DDX46: variants seen among roughly 807,000 people sequenced by gnomAD.
DDX46 encodes probable ATP-dependent RNA helicase DDX46.
Under a neutral mutation model 134.9 loss-of-function variants are expected in DDX46, and 30 were observed. The ratio of observed to expected loss-of-function variants is 0.22; its 90% CI spans 0.17 to 0.30. DDX46 has a LOEUF of 0.30. Among genes scored for constraint, DDX46 ranks in the 10% least tolerant of loss-of-function variants. The pLI is 1.00. For missense variants in DDX46, 622 were observed against 1,248.7 expected (o/e 0.50, Z 7.56); for synonymous variants, 415 against 404.1 (o/e 1.03, Z -0.32).
chr5:134,799,689 G>C (rs745731967), intron 15 of DDX46, among the ~76,000 whole-genome samples: 1 of 149,564 alleles, frequency 6.7e-6, no homozygotes, highest in Non-Finnish European at 1.5e-5. Context: ...CATAAGCAGA[G>C]ATTGCACCAT....
At position 134,806,067 on chromosome 5, in the gene DDX46, G is replaced by A. The variant is rs373135488; in HGVS notation, c.1955-1681G>A. 1.7e-4 allele frequency among the ~76,000 whole-genome samples: 26 copies of A among 152,174 alleles called. No individual in the cohort carries two copies. In the South Asian group the frequency reaches 2.9e-3, roughly 17 times the overall value. On this transcript the variant is annotated intron_variant, in intron 15 of 22. Transcript: ENST00000452510. ...GTCTCTACTAAAGATACAAAAATTA[G>A]CCAGGCATGGTGACAGTCACCTGTA...
At position 134,758,851 on chromosome 5, in the gene DDX46, C is replaced by T. The variant is rs997693413; in HGVS notation, c.-88C>T. The T allele has an allele frequency of 8.7e-6, 14 of 1,600,500 alleles. No individual in the cohort carries two copies. The African/African-American group carries it at 9.4e-5, about 11-fold the overall frequency. On this transcript the variant is annotated 5_prime_UTR_variant, in exon 1 of 23. Coordinates refer to ENST00000452510, the MANE Select transcript of DDX46 (RefSeq NM_001300860.2). ...GCTAGTGTTTAGCGCTGGTCTTTGC[C>T]GGGCGTTGAGGGCAGCTCAGCCTCC...
At chr5:134,813,178 C>T (rs1006604370) in intron 18 of DDX46, among the ~76,000 whole-genome samples, 1 of 151,940 alleles carries the variant, frequency 6.6e-6, no homozygotes, top group Non-Finnish European at 1.5e-5. Flanking sequence ...CTCTTGACTT[C>T]GTGATCCGCC....
At chr5:134,811,528 A>T in intron 17 of DDX46, 168 bp from the exon 18 acceptor site, 1 of 1,174,972 alleles carries the variant, frequency 8.5e-7, no homozygotes, top group Non-Finnish European at 1.2e-6. Context: ...TTATTCTTGA[A>T]CTTAGTATTT....
chr5:134,816,926 G>A (rs758102481), intron 19 of DDX46: 14 of 232,480 alleles, frequency 6.0e-5, no homozygotes, highest in Middle Eastern at 3.1e-3. Flanking sequence ...CTTTTATTGG[G>A]CACACAACTC....
At chr5:134,790,345 T>A in intron 12 of DDX46, 125 bp from the exon 13 acceptor site, 1 of 763,874 alleles carries the variant, frequency 1.3e-6, no homozygotes, top group Non-Finnish European at 2.1e-6. Flanking sequence ...ATACCTAACT[T>A]ACCCCTCTGG....
intron 15 of DDX46, among the ~76,000 whole-genome samples, chr5:134,802,522 A>G (rs1754864565): frequency 1.4e-5 from 2 of 146,980 alleles, no homozygotes; most frequent in Middle Eastern, 3.5e-3. Flanking sequence ...GTCATCGCCT[A>G]TCAAATTCTG....
At chr5:134,817,945 TTTG>T (rs1398789813) in intron 20 of DDX46, among the ~76,000 whole-genome samples, 2 of 150,536 alleles carry the variant, frequency 1.3e-5, no homozygotes, top group East Asian at 1.9e-4. Context: ...TCTTTGCTTG[TTTG>T]TTGTTTTTTT....
At chr5:134,789,246 G>A (rs543106117) in intron 12 of DDX46, 141 of 152,262 alleles carry the variant, frequency 9.3e-4, no homozygotes, top group African/African-American at 3.2e-3. Context: ...CTGGGCTTCC[G>A]AGACTTAAAC....
rs183465109 is a variant in DDX46 at position 134,791,015 on chromosome 5, A to C, written c.1626+463A>C. 8.2e-3 allele frequency among the ~76,000 whole-genome samples: 1,253 copies of C among 152,128 alleles called. 32 individuals carry two copies. Among genetic ancestry groups the C allele is most frequent in the Admixed American group, 0.049 (756 of 15,280 alleles). ...AACTTTTTAATAGAGATGGAGTTTC[A>C]CCACGTTGGCCAGGCTGGTCTCGAA... On this transcript the variant is annotated intron_variant, in intron 13 of 22. Transcript: ENST00000452510.
Position 134,814,310 on chromosome 5 carries a change from G to C in DDX46, c.2437-2120G>C, listed in dbSNP as rs181710625. On this transcript the variant is annotated intron_variant, in intron 18 of 22. Transcript: ENST00000452510. ...TCTTGGAATGTATTCCATGTGTAAA[G>C]GGAAAACTGCAGTATTTTTAACTGT... Among the ~76,000 whole-genome samples, 41 of 152,222 alleles carry C rather than the reference G, an allele frequency of 2.7e-4. No individual in the cohort carries two copies. In the East Asian group the frequency reaches 7.3e-3, roughly 27 times the overall value.
chr5:134,810,931 G>A lies in DDX46; in HGVS notation c.2149-290G>A, dbSNP rs935194250. Among the ~76,000 whole-genome samples, 4 of 152,078 alleles carry A rather than the reference G, an allele frequency of 2.6e-5. No homozygotes were observed. In the South Asian group the frequency reaches 6.2e-4, roughly 24 times the overall value. On this transcript the variant is annotated intron_variant, in intron 16 of 22. Transcript: ENST00000452510. ...TGAGGCAGGAGAATCACTTGAACCC[G>A]GGAGGCAGAGGTTGCAATGAGCCAA...
rs749814695 is a variant in DDX46 at position 134,770,989 on chromosome 5, A to C, written c.437A>C (p.Lys146Thr). ...GATGACAAGGAGGATGAAAAAGAAA[A>C]AGATGCTGGCGTATGTTTATTAACT... is the stretch of plus-strand genomic sequence containing the variant. ...DKDDKEDEKE[K>T]DAGNFDQNKL... The change falls in exon 4 of 23, where the codon AAA becomes ACA. Residue 146 changes from lysine (K) to threonine (T), a missense_variant. Coordinates refer to ENST00000452510, the MANE Select transcript of DDX46 (RefSeq NM_001300860.2). 7.8e-7 allele frequency: 1 copy of C among 1,279,806 alleles called. No individual in the cohort carries two copies. The highest frequency in any genetic ancestry group is 1.1e-6 in the Non-Finnish European group (1 of 893,626). 79.3% of individuals were successfully genotyped at this position (1,279,806 alleles called of 1,614,324 possible). A position where few individuals can be genotyped will look rare whatever the true frequency, so the allele number is the denominator to read the frequency against.
At chr5:134,794,819 A>C in intron 13 of DDX46, 31 bp from the exon 14 acceptor site, 1 of 1,610,862 alleles carries the variant, frequency 6.2e-7, no homozygotes, top group Non-Finnish European at 8.5e-7. Flanking sequence ...CATATTTACC[A>C]TATTTATTTG....
At position 134,797,206 on chromosome 5, in the gene DDX46, A is replaced by G. The variant is rs560535462; in HGVS notation, c.1954+1056A>G. The G allele has an allele frequency of 5.2e-4, 151 of 290,642 alleles. 2 individuals carry two copies. The highest frequency in any genetic ancestry group is 3.4e-3 in the African/African-American group (146 of 43,174). The allele number at this position is 290,642 out of a possible 1,614,324, so 18.0% of individuals were successfully genotyped here. A position where few individuals can be genotyped will look rare whatever the true frequency, so the allele number is the denominator to read the frequency against. ...AAAAAAAAAAAAAAAAACACAAAAC[A>G]CATGGAACAGAGACAGTTTGAATTA... On this transcript the variant is annotated intron_variant, in intron 15 of 22. Transcript: ENST00000452510.
intron 21 of DDX46, among the ~76,000 whole-genome samples, chr5:134,823,106 A>G (rs1325330015): frequency 6.7e-6 from 1 of 148,894 alleles, no homozygotes; most frequent in African/African-American, 2.5e-5. Flanking sequence ...TAGGGCAGGT[A>G]TACTAGCAAC....
intron 6 of DDX46, 58 bp downstream of exon 6, chr5:134,777,783 C>CA: frequency 1.3e-6 from 2 of 1,545,068 alleles, no homozygotes; most frequent in Non-Finnish European, 1.7e-6. Context: ...TTGAGTTCTC[C>CA]ATTGCATTGT....
intron 4 of DDX46, 139 bp downstream of exon 4, chr5:134,771,138 G>A (rs1254301361): frequency 7.6e-6 from 4 of 527,676 alleles, no homozygotes; most frequent in Middle Eastern, 5.3e-4. Context: ...CTTTCTTTCT[G>A]TCTGTCTCTG....
intron 13 of DDX46, among the ~76,000 whole-genome samples, chr5:134,791,387 C>G (rs1354599914): frequency 1.3e-5 from 2 of 152,060 alleles, no homozygotes; most frequent in African/African-American, 2.4e-5. Flanking sequence ...GGTGAAACCT[C>G]ATATCTACTA....
Sources: gnomAD v4.1 joint callset for allele counts (sites outside exome capture counted in the v4.1 genomes callset) on GRCh38, gnomAD v4.1.1 for gene constraint, MANE v1.5 for transcripts, NCBI Gene and HGNC (gene_info 2026-07-23, HGNC 2026-07-21) for gene names.